The following FAH variants were observed in gnomAD, a reference collection of about 807,000 sequenced individuals.
FAH encodes fumarylacetoacetase.
FAH carries 47 observed loss-of-function variants against 55.8 expected under a neutral mutation model. The observed-to-expected ratio is 0.84, with a 90% CI of 0.67 to 1.07. The LOEUF (loss-of-function observed/expected upper bound fraction) is 1.07, where lower values mean the gene tolerates loss of function less well. Ranked by LOEUF, FAH falls within the 50% of genes least tolerant of loss-of-function variation. The pLI is 0.00. For missense variants in FAH, 495 were observed against 545.9 expected (o/e 0.91, Z 0.93); for synonymous variants, 199 against 207.7 (o/e 0.96, Z 0.36).
chr15:80,159,399 A>C (rs2041128187), intron 2 of FAH, among the ~76,000 whole-genome samples: 1 of 151,916 alleles, frequency 6.6e-6, no homozygotes, highest in African/African-American at 2.4e-5. Context: ...CTGATGTGAA[A>C]GGAATTAGTT....
chr15:80,168,005 C>T (rs1386688501), intron 5 of FAH, 47 bp from the exon 6 acceptor site: 1 of 1,470,062 alleles, frequency 6.8e-7, no homozygotes, highest in Admixed American at 1.7e-5. Context: ...TAATTGACAA[C>T]ATATAACAGC....
chr15:80,165,730 A>G (rs1595892320), intron 5 of FAH, among the ~76,000 whole-genome samples: 1 of 151,344 alleles, frequency 6.6e-6, no homozygotes, highest in East Asian at 1.9e-4. Flanking sequence ...AAAAAGGTAC[A>G]GTAATAAAAG....
chr15:80,180,164 C>T lies in FAH; in HGVS notation c.1001C>T (p.Ser334Phe), dbSNP rs762404387. ...WTMLQQLTHH[S>F]VNGCNLRPGD... is the part of the protein sequence containing the mutation. The stretch of plus-strand genomic sequence containing the variant: ...ATGCTGCAGCAGCTCACTCACCACT[C>T]TGTCAACGGCTGCAACCTGCGGCCG... Residue 334 changes from serine to phenylalanine, a missense_variant, in exon 12 of 14, where the codon TCT (serine) becomes TTT (phenylalanine). Physicochemically the swap from Ser to Phe is radical, Grantham distance 155. Transcript: ENST00000561421. 6.2e-7 allele frequency: 1 copy of T among 1,610,942 alleles called. No homozygotes were observed. Among genetic ancestry groups the T allele is most frequent in the Middle Eastern group, 1.6e-4 (1 of 6,062 alleles).
chr15:80,166,619 C>T (rs11637479), intron 5 of FAH, among the ~76,000 whole-genome samples: 32,755 of 148,896 alleles, frequency 0.22, 3,764 homozygotes, highest in East Asian at 0.29. Context: ...TTTCTAGATA[C>T]AGAGTTTTGC....
intron 7 of FAH, among the ~76,000 whole-genome samples, chr15:80,170,724 G>A (rs979990895): frequency 1.4e-4 from 22 of 152,234 alleles, no homozygotes; most frequent in African/African-American, 5.3e-4. Flanking sequence ...AATGGTTGGG[G>A]CAGAGAGCCC....
At chr15:80,179,816 G>A (rs1008102116) in intron 11 of FAH, among the ~76,000 whole-genome samples, 1 of 152,220 alleles carries the variant, frequency 6.6e-6, no homozygotes, top group Non-Finnish European at 1.5e-5. Context: ...CTGAGGGACT[G>A]AGCAGTAAGG....
At chr15:80,161,204 C>G (rs548731566) in intron 4 of FAH, among the ~76,000 whole-genome samples, 1 of 152,290 alleles carries the variant, frequency 6.6e-6, no homozygotes, top group South Asian at 2.1e-4. Flanking sequence ...TTTGGCAAAC[C>G]AGCTGTTGTG....
chr15:80,174,930 G>T, intron 9 of FAH, 86 bp from the exon 10 acceptor site: 1 of 1,084,680 alleles, frequency 9.2e-7, no homozygotes, highest in Non-Finnish European at 1.4e-6. Flanking sequence ...AGCAGGTGCT[G>T]CTGGGGGCCT....
chr15:80,158,226 C>A, intron 2 of FAH, 56 bp downstream of exon 2: 1 of 1,189,452 alleles, frequency 8.4e-7, no homozygotes, highest in Non-Finnish European at 1.3e-6. Flanking sequence ...CTGTGGATGC[C>A]AACAAGAGAA....
chr15:80,161,435 G>A (rs1464560786), intron 4 of FAH, among the ~76,000 whole-genome samples: 3 of 152,064 alleles, frequency 2.0e-5, no homozygotes, highest in East Asian at 3.8e-4. Context: ...AGTCTAGGCT[G>A]TTGGTATTGA....
chr15:80,165,740 G>A (rs979500484), intron 5 of FAH, among the ~76,000 whole-genome samples: 10 of 151,486 alleles, frequency 6.6e-5, no homozygotes, highest in African/African-American at 2.2e-4. Context: ...AGTAATAAAA[G>A]TGTATAGAAA....
intron 1 of FAH, among the ~76,000 whole-genome samples, chr15:80,153,653 C>G (rs1385506219): frequency 6.6e-6 from 1 of 152,184 alleles, no homozygotes; most frequent in Non-Finnish European, 1.5e-5. Context: ...GTGTCTCTGC[C>G]TATAGCTGAA....
intron 1 of FAH, among the ~76,000 whole-genome samples, chr15:80,154,908 G>A (rs1484488771): frequency 6.6e-6 from 1 of 152,148 alleles, no homozygotes; most frequent in Non-Finnish European, 1.5e-5. Context: ...GTGTGGAGCT[G>A]GTTTTGCCGG....
intron 13 of FAH, among the ~76,000 whole-genome samples, chr15:80,184,313 G>A (rs534412998): frequency 1.8e-4 from 28 of 152,120 alleles, no homozygotes; most frequent in Non-Finnish European, 2.6e-4. Context: ...CTTGCCCTGC[G>A]TCTCTCAGTG....
At chr15:80,181,435 T>C (rs990318767) in intron 13 of FAH, among the ~76,000 whole-genome samples, 1 of 152,098 alleles carries the variant, frequency 6.6e-6, no homozygotes, top group African/African-American at 2.4e-5. Context: ...TTCCTCAAGG[T>C]CTAGACTTTG....
Position 80,153,625 on chromosome 15 carries a change from T to G in FAH, c.81+490T>G, listed in dbSNP as rs549290467. Among the ~76,000 whole-genome samples, 10 of 152,302 alleles carry G rather than the reference T, an allele frequency of 6.6e-5. No individual in the cohort carries two copies. In the South Asian group the frequency reaches 2.1e-3, roughly 32 times the overall value. ...ACGCGCGTTTCTTGGCTTAGAGTTG[T>G]GAGATCTAAGATGGCAAGTGTCTCT... On this transcript the variant is annotated intron_variant, in intron 1 of 13. Coordinates refer to ENST00000561421, the MANE Select transcript of FAH (RefSeq NM_000137.4).
Position 80,159,805 on chromosome 15 carries a change from C to T in FAH, c.242C>T (p.Ala81Val), listed in dbSNP as rs1338749273. The T allele has an allele frequency of 8.1e-6, 13 of 1,614,140 alleles. No individual in the cohort carries two copies. Among genetic ancestry groups the T allele is most frequent in the Admixed American group, 5.0e-5 (3 of 60,020 alleles). The stretch of plus-strand genomic sequence containing the variant: ...CTGGGTCAGGCTGCCTGGAAGGAGG[C>T]GAGAGTGTTCTTGCAGAACTTGCTG... ...MGLGQAAWKE[A>V]RVFLQNLLSV... The change falls in exon 3 of 14, where the codon GCG becomes GTG. Residue 81 changes from alanine (A) to valine (V), a missense_variant. Ala to Val is a moderately conservative substitution (Grantham distance 64). Transcript: ENST00000561421.
intron 9 of FAH, chr15:80,173,773 C>T (rs1460169264): frequency 5.8e-6 from 1 of 171,086 alleles, no homozygotes; most frequent in East Asian, 1.6e-4. Flanking sequence ...GTTGGCATTC[C>T]CTCACCCCTT....
chr15:80,156,020 A>G, intron 1 of FAH: 1 of 430,488 alleles, frequency 2.3e-6, no homozygotes, highest in Non-Finnish European at 4.6e-6. Flanking sequence ...AGGCCTCCAG[A>G]TGACTGCGGG....
Sources: allele counts gnomAD v4.1 joint callset (sites outside exome capture counted in the v4.1 genomes callset), GRCh38; gene constraint gnomAD v4.1.1; transcripts MANE v1.5; gene names NCBI Gene and HGNC (gene_info 2026-07-23, HGNC 2026-07-21).